SLC2A13: variants seen among roughly 807,000 people sequenced by gnomAD.
SLC2A13 encodes the protein solute carrier family 2 member 13.
A neutral mutation model predicts 64.4 loss-of-function variants in SLC2A13; 32 were observed. That is an observed-to-expected ratio of 0.50 (90% confidence interval 0.37 to 0.67). The LOEUF (loss-of-function observed/expected upper bound fraction) is 0.67. SLC2A13 is among the 30% of genes least tolerant of loss of function. The pLI is 0.00. For missense variants in SLC2A13, 743 were observed against 829.2 expected (o/e 0.90, Z 1.28); for synonymous variants, 338 against 327.1 (o/e 1.03, Z -0.36).
At chr12:39,869,534 G>C (rs2135936397) in intron 5 of SLC2A13, among the ~76,000 whole-genome samples, 3 of 152,322 alleles carry the variant, frequency 2.0e-5, no homozygotes, top group Middle Eastern at 6.8e-3. Flanking sequence ...AGTGTTTGTA[G>C]TGGGCAGAAC....
rs1023551925 is a variant in SLC2A13, at chr12:39,929,945, A to T, written c.1034+21312T>A. On this transcript the variant is annotated intron_variant, in intron 4 of 9. Coordinates refer to ENST00000280871, the MANE Select transcript of SLC2A13 (RefSeq NM_052885.4). Reference sequence around the variant, plus strand: ...CAGGAGTTCGAGACCAGCCTGGCCAACAGGGTGAAACCCTGTCTCTACTAA... The same window carrying T: ...CAGGAGTTCGAGACCAGCCTGGCCATCAGGGTGAAACCCTGTCTCTACTAA... Among the ~76,000 whole-genome samples the T allele has an allele frequency of 2.6e-5, 4 of 152,110 alleles. No individual in the cohort carries two copies. In the South Asian group the frequency reaches 8.3e-4, roughly 32 times the overall value.
intron 1 of SLC2A13, among the ~76,000 whole-genome samples, chr12:40,099,308 A>G (rs1487326936): frequency 6.6e-6 from 1 of 152,204 alleles, no homozygotes; most frequent in Non-Finnish European, 1.5e-5. Context: ...GTCACAGGAA[A>G]AAGAAAGGTA....
At chr12:39,992,218 G>GA in intron 3 of SLC2A13, among the ~76,000 whole-genome samples, 1 of 152,242 alleles carries the variant, frequency 6.6e-6, no homozygotes, top group East Asian at 1.9e-4. Context: ...GGACAAAGGG[G>GA]CGATTAAGCA....
At chr12:39,904,472 A>G (rs1379618565) in intron 4 of SLC2A13, among the ~76,000 whole-genome samples, 2 of 152,146 alleles carry the variant, frequency 1.3e-5, no homozygotes, top group South Asian at 2.1e-4. Context: ...TGCCATGTTA[A>G]CTGTTTTCTG....
At chr12:39,860,339 T>C (rs1943725470) in intron 6 of SLC2A13, among the ~76,000 whole-genome samples, 1 of 152,244 alleles carries the variant, frequency 6.6e-6, no homozygotes. Flanking sequence ...GGAGAGATAC[T>C]GCCCAATTGA....
At chr12:39,993,431 T>C (rs1368996860) in intron 3 of SLC2A13, among the ~76,000 whole-genome samples, 1 of 152,252 alleles carries the variant, frequency 6.6e-6, no homozygotes, top group Non-Finnish European at 1.5e-5. Flanking sequence ...AAGAGATAGA[T>C]GCAGAGCAAA....
chr12:39,872,912 C>T (rs1944091996), intron 4 of SLC2A13, among the ~76,000 whole-genome samples: 1 of 152,212 alleles, frequency 6.6e-6, no homozygotes, highest in Admixed American at 6.5e-5. Context: ...AGACAGTGGT[C>T]ATCCAAGCAA....
At chr12:40,093,735 G>A (rs1267861656) in intron 1 of SLC2A13, among the ~76,000 whole-genome samples, 1 of 152,154 alleles carries the variant, frequency 6.6e-6, no homozygotes, top group Non-Finnish European at 1.5e-5. Flanking sequence ...CTGGAAGGAT[G>A]TCTATTGTGT....
intron 3 of SLC2A13, among the ~76,000 whole-genome samples, chr12:39,995,729 G>C (rs1462730274): frequency 5.9e-5 from 9 of 152,156 alleles, no homozygotes; most frequent in African/African-American, 1.7e-4. Flanking sequence ...GGAGGGACCT[G>C]GTGAGAGGTC....
intron 3 of SLC2A13, among the ~76,000 whole-genome samples, chr12:39,970,095 A>G (rs1303464331): frequency 6.6e-6 from 1 of 152,200 alleles, no homozygotes; most frequent in Non-Finnish European, 1.5e-5. Flanking sequence ...GGTTTGTCAA[A>G]GATCAGATGG....
chr12:39,917,627 G>GA (rs1945542667), intron 4 of SLC2A13, among the ~76,000 whole-genome samples: 5 of 151,988 alleles, frequency 3.3e-5, no homozygotes, highest in Admixed American at 1.3e-4. Context: ...TGCTGGAGCT[G>GA]AACATCTTAT....
intron 4 of SLC2A13, among the ~76,000 whole-genome samples, chr12:39,943,304 C>A (rs1400564762): frequency 6.6e-6 from 1 of 152,234 alleles, no homozygotes; most frequent in Non-Finnish European, 1.5e-5. Flanking sequence ...TAGCTGCTCT[C>A]TTCAGAGCCA....
chr12:39,877,395 A>C (rs1260354551), intron 4 of SLC2A13, among the ~76,000 whole-genome samples: 1 of 151,748 alleles, frequency 6.6e-6, no homozygotes, highest in African/African-American at 2.4e-5. Context: ...CAGAATTGGA[A>C]CCCCCCCTCC....
chr12:39,767,415 A>T (rs535030765), intron 7 of SLC2A13, among the ~76,000 whole-genome samples: 2 of 152,052 alleles, frequency 1.3e-5, no homozygotes, highest in South Asian at 4.2e-4. Flanking sequence ...TTTAGAGCAC[A>T]GGCTGAATAG....
At chr12:39,972,014 ATTTTTT>A (rs1217967420) in intron 3 of SLC2A13, among the ~76,000 whole-genome samples, 1 of 12,242 alleles carries the variant, frequency 8.2e-5, no homozygotes, top group African/African-American at 1.5e-4. Context: ...ATATATATAT[ATTTTTT>A]TTTATATAAA....
At chr12:39,869,635 C>T (rs996006865) in intron 5 of SLC2A13, among the ~76,000 whole-genome samples, 3 of 152,096 alleles carry the variant, frequency 2.0e-5, no homozygotes, top group Non-Finnish European at 4.4e-5. Flanking sequence ...CCTGAAATCC[C>T]CTGGTGTTTC....
chr12:40,095,304 G>C (rs868428905), intron 1 of SLC2A13, among the ~76,000 whole-genome samples: 5 of 152,120 alleles, frequency 3.3e-5, no homozygotes, highest in African/African-American at 1.2e-4. Flanking sequence ...AAAAATCTGC[G>C]TGAAGTAAAA....
chr12:40,013,306 T>C (rs549727), intron 3 of SLC2A13, among the ~76,000 whole-genome samples: 100,056 of 151,990 alleles, frequency 0.66, 33,272 homozygotes, highest in Middle Eastern at 0.74. Context: ...CCACCCTCTT[T>C]TCATGTCTAA....
At chr12:39,795,294 T>C (rs533700058) in intron 7 of SLC2A13, among the ~76,000 whole-genome samples, 31 of 151,486 alleles carry the variant, frequency 2.0e-4, no homozygotes, top group Non-Finnish European at 3.5e-4. Flanking sequence ...CTAATTCTAC[T>C]GAGTCAAATC....
Sources: allele counts gnomAD v4.1 joint callset (sites outside exome capture counted in the v4.1 genomes callset), GRCh38; gene constraint gnomAD v4.1.1; transcripts MANE v1.5; gene names NCBI Gene and HGNC (gene_info 2026-07-23, HGNC 2026-07-21).